Variants in ESR1 observed in about 807,000 individuals in gnomAD.
ESR1 encodes the protein estrogen receptor.
ESR1 carries 12 observed loss-of-function variants against 52.7 expected under a neutral mutation model. The ratio of observed to expected loss-of-function variants is 0.23; its 90% CI spans 0.15 to 0.37. ESR1 has a LOEUF of 0.37. Ranked by LOEUF, ESR1 falls within the 10% of genes least tolerant of loss-of-function variation. The probability of loss-of-function intolerance (pLI) is 1.00; values close to 1 mark genes in which losing one functional copy is unlikely to be tolerated. For missense variants in ESR1, 584 were observed against 779.7 expected (o/e 0.75, Z 2.99); for synonymous variants, 305 against 316.8 (o/e 0.96, Z 0.39).
intron 1 of ESR1, among the ~76,000 whole-genome samples, chr6:151,677,811 G>C (rs1778302988): frequency 6.6e-6 from 1 of 152,144 alleles, no homozygotes; most frequent in African/African-American, 2.4e-5. Flanking sequence ...AGTTTGCAAA[G>C]GGAGGAGGGT....
intron 5 of ESR1, among the ~76,000 whole-genome samples, chr6:152,030,955 A>G (rs574797204): frequency 1.3e-4 from 20 of 152,332 alleles, no homozygotes; most frequent in African/African-American, 4.8e-4. Flanking sequence ...ACCACAGTGC[A>G]ATCAAACTAG....
At chr6:151,958,474 C>A (rs2037256274) in intron 4 of ESR1, among the ~76,000 whole-genome samples, 1 of 152,192 alleles carries the variant, frequency 6.6e-6, no homozygotes, top group Non-Finnish European at 1.5e-5. Flanking sequence ...AGTGTGGTTC[C>A]TGTGTGCCCA....
chr6:151,942,421 A>G (rs2035176784), intron 3 of ESR1, among the ~76,000 whole-genome samples: 1 of 152,220 alleles, frequency 6.6e-6, no homozygotes, highest in Non-Finnish European at 1.5e-5. Context: ...TCTCAAACTT[A>G]CAAGATTATT....
At chr6:151,803,222 A>C (rs2128145007), upstream of ESR1, among the ~76,000 whole-genome samples, 1 of 152,312 alleles carries the variant, frequency 6.6e-6, no homozygotes, top group East Asian at 1.9e-4. Flanking sequence ...GATAAAAAAC[A>C]GATAAATAAC....
At chr6:151,809,775 A>G (rs1042046149) in intron 1 of ESR1, among the ~76,000 whole-genome samples, 2 of 152,218 alleles carry the variant, frequency 1.3e-5, no homozygotes, top group Non-Finnish European at 2.9e-5. Flanking sequence ...AAGACAAACA[A>G]TGAACAAAAC....
At chr6:151,666,081 C>A (rs1777812393) in intron 1 of ESR1, among the ~76,000 whole-genome samples, 1 of 152,160 alleles carries the variant, frequency 6.6e-6, no homozygotes, top group South Asian at 2.1e-4. Flanking sequence ...TTGGGCTCTT[C>A]ATAGAAAATT....
chr6:152,081,086 G>T (rs1032204725), intron 6 of ESR1, among the ~76,000 whole-genome samples: 3 of 152,108 alleles, frequency 2.0e-5, no homozygotes, highest in African/African-American at 7.2e-5. Context: ...GGTTAACAAG[G>T]ATATCCAGGA....
Position 152,054,087 on chromosome 6 carries a change from A to C in ESR1, c.1236-6904A>C, listed in dbSNP as rs545189497. Among the ~76,000 whole-genome samples the C allele has an allele frequency of 5.3e-5, 8 of 152,166 alleles. No homozygotes were observed. The East Asian group carries it at 1.5e-3, about 29-fold the overall frequency. On this transcript the variant is annotated intron_variant, in intron 5 of 7. Transcript: ENST00000206249. ...CCCAATCTTAGCAAGTGAAAAAAAA[A>C]CTCATCAAATTGATATATTTAGCGC... is the stretch of plus-strand genomic sequence containing the variant.
intron 3 of ESR1, among the ~76,000 whole-genome samples, chr6:151,902,549 T>C (rs1796847111): frequency 1.3e-5 from 2 of 152,222 alleles, no homozygotes; most frequent in South Asian, 4.1e-4. Context: ...TCATGTATTA[T>C]GTAGCATTGT....
At chr6:151,773,269 G>T (rs142804724) in intron 2 of ESR1, among the ~76,000 whole-genome samples, 170 of 152,282 alleles carry the variant, frequency 1.1e-3, no homozygotes, top group African/African-American at 3.9e-3. Context: ...ACCCCCAGAA[G>T]CTACAGAGAA....
At chr6:152,017,999 A>G (rs1383836611) in intron 5 of ESR1, among the ~76,000 whole-genome samples, 1 of 152,168 alleles carries the variant, frequency 6.6e-6, no homozygotes, top group Non-Finnish European at 1.5e-5. Context: ...TATTCCCTCT[A>G]CTAAGCCTTT....
At chr6:151,738,205 T>G (rs189208330) in intron 2 of ESR1, among the ~76,000 whole-genome samples, 126 of 152,356 alleles carry the variant, frequency 8.3e-4, no homozygotes, top group Non-Finnish European at 1.0e-3. Context: ...CATTTTGATT[T>G]GATTTGTGAA....
intron 4 of ESR1, among the ~76,000 whole-genome samples, chr6:151,988,173 A>G (rs1466773900): frequency 6.6e-6 from 1 of 152,156 alleles, no homozygotes; most frequent in Admixed American, 6.5e-5. Context: ...ATAAGGAAGT[A>G]ATTATACAAC....
intron 1 of ESR1, among the ~76,000 whole-genome samples, chr6:151,669,069 A>G (rs1777927683): frequency 6.7e-6 from 1 of 149,748 alleles, no homozygotes; most frequent in East Asian, 2.0e-4. Flanking sequence ...AAACCATTGC[A>G]GATTTCTGAG....
At chr6:152,121,630 C>T (rs1474606736) in intron 6 of ESR1, 4 of 152,226 alleles carry the variant, frequency 2.6e-5, no homozygotes, top group African/African-American at 9.7e-5. Context: ...TGATCAGTGC[C>T]TGCTTAATAA....
intron 6 of ESR1, among the ~76,000 whole-genome samples, chr6:152,086,994 A>T (rs750619406): frequency 2.6e-5 from 4 of 152,206 alleles, no homozygotes; most frequent in Non-Finnish European, 5.9e-5. Context: ...AACTCACGTA[A>T]TGAGAAGTCA....
intron 6 of ESR1, among the ~76,000 whole-genome samples, chr6:152,113,551 T>A (rs2051172584): frequency 6.6e-6 from 1 of 151,854 alleles, no homozygotes; most frequent in Non-Finnish European, 1.5e-5. Flanking sequence ...ACTGACACAT[T>A]TGTGAAGAGG....
intron 6 of ESR1, among the ~76,000 whole-genome samples, chr6:152,085,460 G>A (rs78725048): frequency 1.3e-5 from 2 of 152,168 alleles, no homozygotes; most frequent in Admixed American, 1.3e-4. Flanking sequence ...AGAGGGAATG[G>A]CTTGTCTCAT....
chr6:151,754,321 T>C (rs1425023518), intron 2 of ESR1, among the ~76,000 whole-genome samples: 2 of 121,118 alleles, frequency 1.7e-5, no homozygotes, highest in Non-Finnish European at 3.8e-5. Flanking sequence ...TCTCTATCTA[T>C]TGCTATTTTT....
Sources: gnomAD v4.1 joint callset for allele counts (sites outside exome capture counted in the v4.1 genomes callset) on GRCh38, gnomAD v4.1.1 for gene constraint, MANE v1.5 for transcripts, NCBI Gene and HGNC (gene_info 2026-07-23, HGNC 2026-07-21) for gene names.